Variants in HBS1L observed in about 807,000 individuals in gnomAD.
HBS1L encodes the protein HBS1 like translational GTPase.
A neutral mutation model predicts 88.9 loss-of-function variants in HBS1L; 55 were observed. That is an observed-to-expected ratio of 0.62 (90% CI 0.50 to 0.77). The LOEUF (loss-of-function observed/expected upper bound fraction) is 0.77. Among genes scored for constraint, HBS1L ranks in the 30% least tolerant of loss-of-function variants. The pLI is 0.00. For missense variants in HBS1L, 741 were observed against 829.3 expected, an observed-to-expected ratio of 0.89 and a Z score of 1.31; for synonymous variants, 267 against 288.5, an observed-to-expected ratio of 0.93 and a Z score of 0.76.
intron 3 of HBS1L, among the ~76,000 whole-genome samples, chr6:135,040,252 C>A (rs939543241): frequency 6.6e-6 from 1 of 151,854 alleles, no homozygotes; most frequent in Admixed American, 6.6e-5. Context: ...TAAAATAATC[C>A]TTAATGACTC....
chr6:135,017,328 C>T (rs1271407894), intron 4 of HBS1L, among the ~76,000 whole-genome samples: 3 of 152,136 alleles, frequency 2.0e-5, no homozygotes, highest in Non-Finnish European at 4.4e-5. Context: ...TTAATAAAAA[C>T]TGTTGCCTAG....
At chr6:134,987,914 G>T in intron 8 of HBS1L, 123 bp from the exon 9 acceptor site, 1 of 715,800 alleles carries the variant, frequency 1.4e-6, no homozygotes, top group Non-Finnish European at 2.0e-6. Flanking sequence ...CCCCACCAAA[G>T]CAAATCAAAC....
chr6:135,038,576 G>A (rs1042771192), intron 4 of HBS1L, among the ~76,000 whole-genome samples: 3 of 152,102 alleles, frequency 2.0e-5, no homozygotes, highest in Admixed American at 2.0e-4. Context: ...CTTATTTCAT[G>A]GTAACAGGCT....
At chr6:134,982,307 A>C (rs1311283352) in intron 13 of HBS1L, 151 bp downstream of exon 13, 11 of 591,742 alleles carry the variant, frequency 1.9e-5, no homozygotes, top group African/African-American at 3.7e-5. Context: ...ATGTTTTCAC[A>C]TTTTAATCTT....
chr6:134,984,749 C>T (rs986055388), intron 12 of HBS1L, among the ~76,000 whole-genome samples: 3 of 152,130 alleles, frequency 2.0e-5, no homozygotes, highest in African/African-American at 7.2e-5. Context: ...TCATCTCTTC[C>T]AGCAAGCTCT....
At chr6:135,012,030 G>A (rs1205360489) in intron 4 of HBS1L, among the ~76,000 whole-genome samples, 1 of 151,754 alleles carries the variant, frequency 6.6e-6, no homozygotes, top group African/African-American at 2.4e-5. Flanking sequence ...CAGAGGAAAG[G>A]GGAAAAAAAA....
intron 4 of HBS1L, among the ~76,000 whole-genome samples, chr6:135,032,731 C>T (rs1456939905): frequency 6.6e-6 from 1 of 151,998 alleles, no homozygotes; most frequent in Non-Finnish European, 1.5e-5. Flanking sequence ...CTTTTACTTA[C>T]AAAAAATGAG....
rs749431435 is a variant in HBS1L, at chr6:134,996,829, C to G, written c.913G>C (p.Ala305Pro). 1.9e-6 allele frequency: 3 copies of G among 1,611,798 alleles called. No individual in the cohort carries two copies. In the South Asian group the frequency reaches 3.3e-5, roughly 18 times the overall value. The change falls in exon 7 of 18, where the codon GCT becomes CCT. Residue 305 changes from alanine (A) to proline (P), a missense_variant. Physicochemically the swap from Ala to Pro is conservative, Grantham distance 27 (BLOSUM62 -1). Transcript: ENST00000367837. ...AAGACCCATGCATATGCAAACGAAG[C>G]TTTGCCAGCCTTTTTAGACTCCTGT... ...YEQESKKAGK[A>P]SFAYAWVLDE... is the part of the protein sequence containing the mutation.
chr6:134,972,332 C>G (rs770106184), intron 15 of HBS1L, among the ~76,000 whole-genome samples: 21 of 152,068 alleles, frequency 1.4e-4, no homozygotes, highest in Admixed American at 5.9e-4. Flanking sequence ...AACCAGGGTA[C>G]CAGCACCATT....
chr6:135,049,706 G>A (rs768293245), intron 2 of HBS1L, among the ~76,000 whole-genome samples: 1 of 152,090 alleles, frequency 6.6e-6, no homozygotes, highest in Non-Finnish European at 1.5e-5. Flanking sequence ...TGAGTAGCTG[G>A]GATTACAGGC....
intron 2 of HBS1L, among the ~76,000 whole-genome samples, chr6:135,045,879 G>A (rs1188482088): frequency 6.6e-6 from 1 of 151,990 alleles, no homozygotes; most frequent in Non-Finnish European, 1.5e-5. Context: ...ATATCACAAG[G>A]TAAGATTAAG....
rs914062907 is a variant in HBS1L at position 135,054,643 on chromosome 6, A to C, written c.43+6T>G. Reference sequence around the variant, plus strand: ...AAGAACGTCCCGGCATGACCCTGCCACCTACCTTCATCGTAGTTATAGCCT... The same window carrying C: ...AAGAACGTCCCGGCATGACCCTGCCCCCTACCTTCATCGTAGTTATAGCCT... On this transcript the variant is annotated splice_donor_region_variant and intron_variant, in intron 1 of 17. Transcript: ENST00000367837. 1.2e-6 allele frequency: 2 copies of C among 1,614,212 alleles called. No homozygotes were observed. Among genetic ancestry groups the C allele is most frequent in the Non-Finnish European group, 1.7e-6 (2 of 1,180,008 alleles).
At chr6:134,989,064 A>G (rs768225650) in intron 8 of HBS1L, among the ~76,000 whole-genome samples, 4 of 152,206 alleles carry the variant, frequency 2.6e-5, no homozygotes, top group Non-Finnish European at 5.9e-5. Flanking sequence ...ACCTCAGCTT[A>G]GCTCAGTTTT....
chr6:134,979,571 C>A (rs2114768763), intron 13 of HBS1L: 1 of 246,032 alleles, frequency 4.1e-6, no homozygotes, highest in South Asian at 8.7e-5. Flanking sequence ...TTAAACAGGC[C>A]CCATTCAAAT....
rs1299554519 is a variant in HBS1L, at chr6:134,961,019, T to C, written c.*4260A>G. The C allele has an allele frequency of 6.6e-6, 1 of 151,470 alleles. No homozygotes were observed. Among genetic ancestry groups the C allele is most frequent in the East Asian group, 1.9e-4 (1 of 5,172 alleles). 9.4% of individuals were successfully genotyped at this position (151,470 alleles called of 1,614,324 possible). ...AACCTATTTTCATTTACTGTAATAATCACAACCTTTGTCTTCATTTAATTT... is the reference window on the plus strand; with the variant it reads ...AACCTATTTTCATTTACTGTAATAACCACAACCTTTGTCTTCATTTAATTT... On this transcript the variant is annotated 3_prime_UTR_variant, in exon 18 of 18. Coordinates refer to ENST00000367837, the MANE Select transcript of HBS1L (RefSeq NM_006620.4).
chr6:134,995,741 C>T (rs1414742392), intron 7 of HBS1L, among the ~76,000 whole-genome samples: 1 of 151,880 alleles, frequency 6.6e-6, no homozygotes, highest in Non-Finnish European at 1.5e-5. Flanking sequence ...TATACAATTA[C>T]ATTGTTTTCC....
intron 13 of HBS1L, 154 bp downstream of exon 13, chr6:134,982,304 C>G: frequency 1.7e-6 from 1 of 584,648 alleles, no homozygotes; most frequent in East Asian, 2.9e-5. Flanking sequence ...TTAATGTTTT[C>G]ACATTTTAAT....
chr6:135,038,463 C>T lies in HBS1L; in HGVS notation c.430+1110G>A, dbSNP rs116587162. On this transcript the variant is annotated intron_variant, in intron 4 of 17. Transcript: ENST00000367837. ...AACCCCCGGTAATTTCTACCACAAT[C>T]TGGGATACACTATCAATACAAGATG... is the stretch of plus-strand genomic sequence containing the variant. 8.5e-3 allele frequency among the ~76,000 whole-genome samples: 1,297 copies of T among 152,318 alleles called. 10 individuals are homozygous for T. The highest frequency in any genetic ancestry group is 0.03 in the African/African-American group (1,234 of 41,572).
intron 15 of HBS1L, among the ~76,000 whole-genome samples, chr6:134,973,869 T>C (rs183080279): frequency 2.3e-4 from 35 of 151,830 alleles, no homozygotes; most frequent in African/African-American, 8.4e-4. Context: ...TAGTGATGAC[T>C]GCACAACATT....
Sources: gnomAD v4.1 joint callset for allele counts (sites outside exome capture counted in the v4.1 genomes callset) on GRCh38, gnomAD v4.1.1 for gene constraint, MANE v1.5 for transcripts, NCBI Gene and HGNC (gene_info 2026-07-23, HGNC 2026-07-21) for gene names.